The following KCNT1 variants were observed in gnomAD, a reference collection of about 807,000 sequenced individuals.
KCNT1 encodes the protein potassium channel subfamily T member 1.
Under a neutral mutation model 147.8 loss-of-function variants are expected in KCNT1, and 78 were observed. The observed-to-expected ratio is 0.53, with a 90% confidence interval of 0.44 to 0.64. The LOEUF is 0.64. Ranked by LOEUF, KCNT1 falls within the 30% of genes least tolerant of loss-of-function variation. The pLI is 0.00. For synonymous variants in KCNT1, 867 were observed against 748.8 expected, an observed-to-expected ratio of 1.16 and a Z score of -2.58; for missense variants, 1,419 against 1,750.3, an observed-to-expected ratio of 0.81 and a Z score of 3.38.
rs576863722 is a variant in KCNT1 at position 135,707,966 on chromosome 9, C to G, written c.110+5598C>G. On this transcript the variant is annotated intron_variant, in intron 1 of 30. Transcript: ENST00000371757. ...AAGAAGCCCCTCCCCTAAAGAGAGACGTCACCGAGGACGCTTGCCTGCCCA... is the reference window on the plus strand; with the variant it reads ...AAGAAGCCCCTCCCCTAAAGAGAGAGGTCACCGAGGACGCTTGCCTGCCCA... Among the ~76,000 whole-genome samples, 7 of 152,358 alleles carry G rather than the reference C, an allele frequency of 4.6e-5. No individual in the cohort carries two copies. The South Asian group carries it at 1.4e-3, about 32-fold the overall frequency.
chr9:135,740,945 G>C (rs1428162255), intron 2 of KCNT1, among the ~76,000 whole-genome samples: 1 of 152,058 alleles, frequency 6.6e-6, no homozygotes, highest in African/African-American at 2.4e-5. Flanking sequence ...ACTTGGCAGG[G>C]TTTGTGCAGC....
intron 2 of KCNT1, among the ~76,000 whole-genome samples, chr9:135,740,384 A>G (rs1314446517): frequency 6.6e-6 from 1 of 152,144 alleles, no homozygotes; most frequent in African/African-American, 2.4e-5. Context: ...AAAGCATCTT[A>G]TGGGACTTGG....
At position 135,772,733 on chromosome 9, in the gene KCNT1, T is replaced by G; in HGVS notation, c.2027T>G (p.Leu676Arg). ...IASMGTVAMD[L>R]QGTEHRPTQS... Reference sequence around the variant, plus strand: ...CTTCCAGGGACAGTGGCCATGGACCTGCAGGGCACAGAGCACCGGCCTACG... The same window carrying G: ...CTTCCAGGGACAGTGGCCATGGACCGGCAGGGCACAGAGCACCGGCCTACG... Residue 676 changes from leucine (L) to arginine (R), a missense_variant, in exon 19 of 31, where the codon CTG becomes CGG. Physicochemically the swap from Leu to Arg is moderately radical, Grantham distance 102. Coordinates refer to ENST00000371757, the MANE Select transcript of KCNT1 (RefSeq NM_020822.3). 1 of 1,416,824 alleles carries G rather than the reference T, an allele frequency of 7.1e-7. No homozygotes were observed. The highest frequency in any genetic ancestry group is 2.8e-5 in the East Asian group (1 of 35,732). The allele number at this position is 1,416,824 out of a possible 1,614,324, so 87.8% of individuals were successfully genotyped here. A position where few individuals can be genotyped will look rare whatever the true frequency, so the allele number is the denominator to read the frequency against.
At position 135,770,941 on chromosome 9, in the gene KCNT1, C is replaced by A; in HGVS notation, c.1854C>A (p.Ala618=). The change falls in exon 18 of 31, where the codon GCC becomes GCA. Residue 618 remains alanine (A), a synonymous_variant. Coordinates refer to ENST00000371757, the MANE Select transcript of KCNT1 (RefSeq NM_020822.3). ...CGGGGCCCCGGCACATCCTGGCCGCCTCTGACACCTGCTTCTACATCAACA... is the reference window on the plus strand; with the variant it reads ...CGGGGCCCCGGCACATCCTGGCCGCATCTGACACCTGCTTCTACATCAACA... The part of the protein sequence containing the change: ...LNPGPRHILA[A]SDTCFYINIT... 2 of 1,613,528 alleles carry A rather than the reference C, an allele frequency of 1.2e-6. No homozygotes were observed. The highest frequency in any genetic ancestry group is 1.7e-6 in the Non-Finnish European group (2 of 1,179,750).
chr9:135,759,958 G>A (rs1831803971), intron 11 of KCNT1, 99 bp downstream of exon 11: 2 of 1,173,016 alleles, frequency 1.7e-6, no homozygotes, highest in African/African-American at 1.6e-5. Flanking sequence ...CAGTGCGGGG[G>A]CCACTCCCAG....
intron 2 of KCNT1, among the ~76,000 whole-genome samples, chr9:135,718,650 G>A (rs1835810188): frequency 6.6e-6 from 1 of 152,222 alleles, no homozygotes; most frequent in Non-Finnish European, 1.5e-5. Flanking sequence ...CAATGTGGGG[G>A]CTCAGCACAG....
At chr9:135,781,790 G>A (rs1432750648) in intron 24 of KCNT1, among the ~76,000 whole-genome samples, 1 of 152,330 alleles carries the variant, frequency 6.6e-6, no homozygotes, top group Non-Finnish European at 1.5e-5. Context: ...ACGACCGTCA[G>A]TGAGATGCTC....
intron 2 of KCNT1, among the ~76,000 whole-genome samples, chr9:135,740,763 C>T (rs1405154434): frequency 6.6e-6 from 1 of 152,240 alleles, no homozygotes; most frequent in African/African-American, 2.4e-5. Flanking sequence ...CCACTTGGTC[C>T]CAACAGCTAA....
intron 2 of KCNT1, among the ~76,000 whole-genome samples, chr9:135,738,249 C>T (rs1010034461): frequency 1.3e-5 from 2 of 152,220 alleles, no homozygotes; most frequent in Non-Finnish European, 2.9e-5. Flanking sequence ...TGGGTGGCCT[C>T]GCTCATCCCC....
intron 2 of KCNT1, among the ~76,000 whole-genome samples, chr9:135,739,472 C>T (rs1830472069): frequency 6.6e-6 from 1 of 151,992 alleles, no homozygotes; most frequent in Non-Finnish European, 1.5e-5. Context: ...CCAGGACCTC[C>T]CTCCCCTGCA....
intron 12 of KCNT1, among the ~76,000 whole-genome samples, 173 bp downstream of exon 12, chr9:135,765,368 C>T (rs1378197806): frequency 1.8e-5 from 1 of 56,122 alleles, no homozygotes; most frequent in Non-Finnish European, 3.8e-5. Flanking sequence ...CTCCCCAGGA[C>T]TGCCATCCTC....
chr9:135,710,855 G>A (rs1182982982), intron 1 of KCNT1, among the ~76,000 whole-genome samples: 2 of 152,192 alleles, frequency 1.3e-5, no homozygotes, highest in Non-Finnish European at 2.9e-5. Flanking sequence ...AGAAGGGACT[G>A]TTAGACCCTC....
rs1236763115 is a variant in KCNT1 at position 135,793,387 on chromosome 9, C to T, written c.*1226C>T. Reference sequence around the variant, plus strand: ...GTGGGGGTCCCAGAGTCCAGGAGGGCTGTCTGGTGAGCTGCCCATCAGCCT... The same window carrying T: ...GTGGGGGTCCCAGAGTCCAGGAGGGTTGTCTGGTGAGCTGCCCATCAGCCT... On this transcript the variant is annotated 3_prime_UTR_variant, in exon 31 of 31. Coordinates refer to ENST00000371757, the MANE Select transcript of KCNT1 (RefSeq NM_020822.3). 6.6e-6 allele frequency: 1 copy of T among 152,234 alleles called. No individual in the cohort carries two copies. Among genetic ancestry groups the T allele is most frequent in the Non-Finnish European group, 1.5e-5 (1 of 68,040 alleles). 9.4% of individuals were successfully genotyped at this position (152,234 alleles called of 1,614,324 possible).
At chr9:135,789,889 C>G (rs368379394) in intron 29 of KCNT1, 7 of 152,354 alleles carry the variant, frequency 4.6e-5, no homozygotes, top group African/African-American at 1.7e-4. Context: ...ACCGTGGACA[C>G]GCGAAGCTAG....
At chr9:135,761,907 C>A (rs1232070623) in intron 11 of KCNT1, among the ~76,000 whole-genome samples, 2 of 152,242 alleles carry the variant, frequency 1.3e-5, no homozygotes, top group Non-Finnish European at 2.9e-5. Flanking sequence ...CCCACACACC[C>A]CAGAGCGAAG....
At chr9:135,724,026 C>T (rs1203715757) in intron 2 of KCNT1, among the ~76,000 whole-genome samples, 6 of 152,308 alleles carry the variant, frequency 3.9e-5, no homozygotes, top group African/African-American at 4.8e-5. Context: ...TAAGAGGCCC[C>T]GGGAAGCTCC....
chr9:135,702,278 C>A lies in KCNT1; in HGVS notation c.20C>A (p.Ala7Glu), dbSNP rs1044336128. The A allele has an allele frequency of 6.2e-7, 1 of 1,608,830 alleles. No homozygotes were observed. The change falls in exon 1 of 31, where the codon GCG (alanine) becomes GAG (glutamate). Residue 7 changes from alanine (A) to glutamate (E), a missense_variant. Transcript: ENST00000371757. MPLPDG[A>E]RTPGGVCREA... The stretch of plus-strand genomic sequence containing the variant: ...GGCCGCATGCCACTCCCTGACGGGG[C>A]GCGGACCCCGGGGGGCGTCTGCCGG...
intron 2 of KCNT1, among the ~76,000 whole-genome samples, chr9:135,729,266 G>A (rs550849407): frequency 6.6e-6 from 1 of 152,368 alleles, no homozygotes; most frequent in South Asian, 2.1e-4. Flanking sequence ...AGGCAGCAGG[G>A]AACTGAACAC....
chr9:135,720,685 A>G (rs1287081025), intron 2 of KCNT1, among the ~76,000 whole-genome samples: 1 of 152,132 alleles, frequency 6.6e-6, no homozygotes, highest in Non-Finnish European at 1.5e-5. Flanking sequence ...CTGCTCTCTG[A>G]AGGCCACTCT....
Sources: allele counts gnomAD v4.1 joint callset (sites outside exome capture counted in the v4.1 genomes callset), GRCh38; gene constraint gnomAD v4.1.1; transcripts MANE v1.5; gene names NCBI Gene and HGNC (gene_info 2026-07-23, HGNC 2026-07-21).